ARHGAP21: variants seen among roughly 807,000 people sequenced by gnomAD.
ARHGAP21 encodes Rho GTPase activating protein 21.
In ARHGAP21, 38 loss-of-function variants were observed where a neutral mutation model predicts 164.6. The ratio of observed to expected loss-of-function variants is 0.23; its 90% CI spans 0.18 to 0.30. ARHGAP21 has a LOEUF of 0.30. ARHGAP21 is among the 10% of genes least tolerant of loss of function. ARHGAP21 has a pLI of 1.00. For missense variants in ARHGAP21, 1,822 were observed against 2,370.7 expected, an observed-to-expected ratio of 0.77 and a Z score of 4.81; for synonymous variants, 766 against 857.9, an observed-to-expected ratio of 0.89 and a Z score of 1.87.
intron 6 of ARHGAP21, among the ~76,000 whole-genome samples, chr10:24,630,834 G>T (rs1835783465): frequency 6.6e-6 from 1 of 152,088 alleles, no homozygotes; most frequent in Non-Finnish European, 1.5e-5. Flanking sequence ...TTCCCTCCTG[G>T]CCTCAGAAGT....
intron 9 of ARHGAP21, among the ~76,000 whole-genome samples, chr10:24,611,106 T>A (rs1443431824): frequency 6.6e-6 from 1 of 152,128 alleles, no homozygotes; most frequent in Non-Finnish European, 1.5e-5. Flanking sequence ...AGAGGTTCAG[T>A]GGGATTCACA....
chr10:24,656,143 A>G (rs1232713521), intron 4 of ARHGAP21, among the ~76,000 whole-genome samples: 3 of 123,074 alleles, frequency 2.4e-5, no homozygotes, highest in African/African-American at 3.3e-5. Context: ...CCCGGCAGCC[A>G]CCCCGTCCGG....
At chr10:24,711,697 A>C (rs192257921) in intron 2 of ARHGAP21, among the ~76,000 whole-genome samples, 19 of 152,282 alleles carry the variant, frequency 1.2e-4, no homozygotes, top group Non-Finnish European at 2.1e-4. Context: ...AGGAACCCCA[A>C]AACAGACATG....
chr10:24,612,795 C>T (rs1205957034), intron 9 of ARHGAP21, among the ~76,000 whole-genome samples: 1 of 152,120 alleles, frequency 6.6e-6, no homozygotes, highest in East Asian at 1.9e-4. Flanking sequence ...GCAGAGCTTG[C>T]AGTGAGCCGA....
chr10:24,695,522 T>C (rs1843102400), intron 2 of ARHGAP21, among the ~76,000 whole-genome samples: 1 of 151,658 alleles, frequency 6.6e-6, no homozygotes, highest in Admixed American at 6.6e-5. Flanking sequence ...TAAGCTGAGA[T>C]TGCCCCACTG....
intron 7 of ARHGAP21, among the ~76,000 whole-genome samples, chr10:24,628,301 C>T (rs1346573637): frequency 6.6e-6 from 1 of 152,188 alleles, no homozygotes; most frequent in Non-Finnish European, 1.5e-5. Context: ...TAATTGTTAT[C>T]GGTACTAAGC....
rs753800920 is a variant in ARHGAP21 at position 24,670,287 on chromosome 10, T to C, written c.174A>G (p.Gln58=). 6 of 1,609,784 alleles carry C rather than the reference T, an allele frequency of 3.7e-6. No individual in the cohort carries two copies. The South Asian group carries it at 5.5e-5, about 15-fold the overall frequency. The change falls in exon 3 of 26, where the codon CAA becomes CAG. Residue 58 remains glutamine, a synonymous_variant. Transcript: ENST00000396432. ...PKTVTLKRTS[Q]GFGFTLRHFI... ...AATGTCTTAATGTAAAACCAAAGCCTTGAGATGTTCTTTTCAACGTAACTG... is the reference window on the plus strand; with the variant it reads ...AATGTCTTAATGTAAAACCAAAGCCCTGAGATGTTCTTTTCAACGTAACTG...
At chr10:24,607,639 AGT>A (rs758324830) in intron 10 of ARHGAP21, 38 bp from the exon 11 acceptor site, 2 of 1,610,856 alleles carry the variant, frequency 1.2e-6, no homozygotes, top group South Asian at 2.2e-5. Context: ...GACATTCACA[AGT>A]GGTTCCCAGA....
chr10:24,648,478 A>G (rs748922625), intron 4 of ARHGAP21, among the ~76,000 whole-genome samples: 8 of 152,186 alleles, frequency 5.3e-5, no homozygotes, highest in Admixed American at 1.3e-4. Flanking sequence ...TCTTCTTTTT[A>G]AAAATACATA....
rs570100677 is a variant in ARHGAP21 at position 24,584,310 on chromosome 10, G to A, written c.*102C>T. On this transcript the variant is annotated 3_prime_UTR_variant, in exon 26 of 26. Coordinates refer to ENST00000396432, the MANE Select transcript of ARHGAP21 (RefSeq NM_020824.4). Reference sequence around the variant, plus strand: ...GCAAAATGATGAAACCAGCCCAAATGAAGGCTGCATAATAACAATTCTGAT... The same window carrying A: ...GCAAAATGATGAAACCAGCCCAAATAAAGGCTGCATAATAACAATTCTGAT... The A allele has an allele frequency of 7.3e-7, 1 of 1,360,986 alleles. No individual in the cohort carries two copies. The highest frequency in any genetic ancestry group is 1.4e-5 in the South Asian group (1 of 69,586). The allele number at this position is 1,360,986 out of a possible 1,614,324, so 84.3% of individuals were successfully genotyped here. A position where few individuals can be genotyped will look rare whatever the true frequency, so the allele number is the denominator to read the frequency against.
intron 2 of ARHGAP21, among the ~76,000 whole-genome samples, chr10:24,686,348 G>A (rs910214068): frequency 1.3e-5 from 2 of 152,168 alleles, no homozygotes; most frequent in Admixed American, 6.5e-5. Context: ...TGGATCCCTT[G>A]AGCCCAAGAG....
chr10:24,704,210 C>CT (rs1023787878), intron 2 of ARHGAP21, among the ~76,000 whole-genome samples: 2 of 151,452 alleles, frequency 1.3e-5, no homozygotes, highest in Admixed American at 1.3e-4. Context: ...CCACCAAATA[C>CT]TTTAAGTGGT....
At chr10:24,669,948 G>T (rs1840542261) in intron 3 of ARHGAP21, among the ~76,000 whole-genome samples, 1 of 152,108 alleles carries the variant, frequency 6.6e-6, no homozygotes, top group African/African-American at 2.4e-5. Context: ...AGAAAAAGTA[G>T]AAAGAAATCT....
At chr10:24,651,733 T>C (rs1352546108) in intron 4 of ARHGAP21, among the ~76,000 whole-genome samples, 1 of 152,168 alleles carries the variant, frequency 6.6e-6, no homozygotes, top group African/African-American at 2.4e-5. Flanking sequence ...AATCCAAGGA[T>C]TATCCCAAAA....
At chr10:24,604,498 A>G in intron 11 of ARHGAP21, 150 bp from the exon 12 acceptor site, 1 of 464,818 alleles carries the variant, frequency 2.2e-6, no homozygotes, top group Non-Finnish European at 3.7e-6. Context: ...AATGGAAGAG[A>G]AAAAAAGCTA....
chr10:24,689,698 G>A lies in ARHGAP21; in HGVS notation c.64-19301C>T, dbSNP rs376993569. The stretch of plus-strand genomic sequence containing the variant: ...TGAGGCTGCAGTGAGCCGTGATCAC[G>A]CCACTGCACTCCAGCCTGGACATCA... On this transcript the variant is annotated intron_variant, in intron 2 of 25. Coordinates refer to ENST00000396432, the MANE Select transcript of ARHGAP21 (RefSeq NM_020824.4). Among the ~76,000 whole-genome samples, 9 of 152,092 alleles carry A rather than the reference G, an allele frequency of 5.9e-5. No individual in the cohort carries two copies. The East Asian group carries it at 9.6e-4, about 16-fold the overall frequency.
intron 21 of ARHGAP21, among the ~76,000 whole-genome samples, chr10:24,593,005 T>TAAATCTTATAGTATCTGATATA (rs2076404714): frequency 6.6e-6 from 1 of 152,198 alleles, no homozygotes; most frequent in Non-Finnish European, 1.5e-5. Context: ...TTTCCTTCAT[T>TAAATCTTATAGTATCTGATATA]AAATCTTATA....
chr10:24,676,090 G>A (rs948050256), intron 2 of ARHGAP21, among the ~76,000 whole-genome samples: 3 of 152,250 alleles, frequency 2.0e-5, no homozygotes, highest in African/African-American at 7.2e-5. Flanking sequence ...GGAGGCTGCA[G>A]TGAGCTGAGG....
At chr10:24,696,952 GCTT>G (rs1227676486) in intron 2 of ARHGAP21, among the ~76,000 whole-genome samples, 2 of 152,220 alleles carry the variant, frequency 1.3e-5, no homozygotes, top group Non-Finnish European at 2.9e-5. Flanking sequence ...ATAGGTCTGG[GCTT>G]CTTAAGGACC....
Sources: allele counts gnomAD v4.1 joint callset (sites outside exome capture counted in the v4.1 genomes callset), GRCh38; gene constraint gnomAD v4.1.1; transcripts MANE v1.5; gene names NCBI Gene and HGNC (gene_info 2026-07-23, HGNC 2026-07-21).